C1QL1: variants seen among roughly 807,000 people sequenced by gnomAD.
C1QL1 encodes complement C1q like 1, also known as C1q-related factor.
A neutral mutation model predicts 14.2 loss-of-function variants in C1QL1; 15 were observed. That is an observed-to-expected ratio of 1.06 (90% CI 0.71 to 1.62). The LOEUF (loss-of-function observed/expected upper bound fraction) is 1.62, where lower values mean the gene tolerates loss of function less well. Ranked by LOEUF, C1QL1 falls within the 40% of genes most tolerant of loss-of-function variation. The probability of loss-of-function intolerance (pLI) is 0.00; values close to 1 mark genes in which losing one functional copy is unlikely to be tolerated. For synonymous variants in C1QL1, 172 were observed against 172.4 expected, an observed-to-expected ratio of 1.00 and a Z score of 0.02; for missense variants, 346 against 380.3, an observed-to-expected ratio of 0.91 and a Z score of 0.75.
rs1415387713 is a variant in C1QL1 at position 44,968,159 on chromosome 17, G to T, written c.-111C>A. ...GCAATGGTGCCGGCGGGCAGGGGGC[G>T]CGGGCTAGGCGCCCGCGCTCAAGGA... On this transcript the variant is annotated 5_prime_UTR_variant, in exon 1 of 2. Coordinates refer to ENST00000253407, the MANE Select transcript of C1QL1 (RefSeq NM_006688.5). 2.2e-5 allele frequency: 11 copies of T among 493,724 alleles called. No individual in the cohort carries two copies. The East Asian group carries it at 7.0e-4, about 31-fold the overall frequency. The allele number at this position is 493,724 out of a possible 1,614,324, so 30.6% of individuals were successfully genotyped here.
Position 44,961,837 on chromosome 17 carries a change from G to A in C1QL1, c.598-1470C>T, listed in dbSNP as rs574971005. Among the ~76,000 whole-genome samples the A allele has an allele frequency of 8.2e-5, 12 of 147,148 alleles. No homozygotes were observed. The East Asian group carries it at 2.2e-3, about 27-fold the overall frequency. Reference sequence around the variant, plus strand: ...GGAAGCGGAGCTTGCAGTGAGCCGAGATTGCGCCACTGCAGTCCGCAGTCC... The same window carrying A: ...GGAAGCGGAGCTTGCAGTGAGCCGAAATTGCGCCACTGCAGTCCGCAGTCC... On this transcript the variant is annotated intron_variant, in intron 1 of 1. Transcript: ENST00000253407.
chr17:44,965,014 T>C (rs1295701327), intron 1 of C1QL1, among the ~76,000 whole-genome samples: 2 of 149,774 alleles, frequency 1.3e-5, no homozygotes, highest in African/African-American at 5.0e-5. Flanking sequence ...CTAATGTTTG[T>C]ATTTTTTTTT....
chr17:44,961,578 T>A (rs1161808042), intron 1 of C1QL1, among the ~76,000 whole-genome samples: 3 of 117,030 alleles, frequency 2.6e-5, no homozygotes, highest in African/African-American at 1.1e-4. Context: ...GGCGACATAG[T>A]GAGACTCAGT....
Position 44,959,793 on chromosome 17 carries a change from C to T in C1QL1, c.*395G>A, listed in dbSNP as rs1310332525. ...AAGCTATCCAGCCCCCAACTCCCCC[C>T]TCCCCCGGGCGCGCCACCCCGGAGG... is the stretch of plus-strand genomic sequence containing the variant. On this transcript the variant is annotated 3_prime_UTR_variant, in exon 2 of 2. Transcript: ENST00000253407. The T allele has an allele frequency of 1.0e-5, 2 of 194,706 alleles. No homozygotes were observed. 12.1% of individuals were successfully genotyped at this position (194,706 alleles called of 1,614,324 possible).
chr17:44,960,286 CG>C lies in C1QL1; in HGVS notation c.678del (p.Gly227AlafsTer85). Reference sequence around the variant, plus strand: ...TCCAGCTTGATGAAGACCTCGTCGCCGGCGTCCAGGTGCAGGATCACGCTGT... The same window carrying C: ...TCCAGCTTGATGAAGACCTCGTCGCCGCGTCCAGGTGCAGGATCACGCTGT... ...ASNSVILHLD[A>X]GDEVFIKLDG... On this transcript the variant is annotated frameshift_variant, in exon 2 of 2. Coordinates refer to ENST00000253407, the MANE Select transcript of C1QL1 (RefSeq NM_006688.5). LOFTEE classifies it high-confidence loss of function. 1 of 1,614,160 alleles carries C rather than the reference CG, an allele frequency of 6.2e-7. No homozygotes were observed. Among genetic ancestry groups the C allele is most frequent in the East Asian group, 2.2e-5 (1 of 44,874 alleles).
chr17:44,967,667 G>A lies in C1QL1; in HGVS notation c.382C>T (p.Pro128Ser). The change falls in exon 1 of 2, where the codon CCG becomes TCG. Residue 128 changes from proline (P) to serine (S), a missense_variant. By Grantham distance (74) the Pro-to-Ser change is moderately conservative. Coordinates refer to ENST00000253407, the MANE Select transcript of C1QL1 (RefSeq NM_006688.5). This position sits in a 1 kb window ranked among gnomAD's most constrained non-coding sequence, Gnocchi z 7.0. ...AISTATYTTV[P>S]RVAFYAGLKN... ...AGGCCGGCGTAGAAGGCCACGCGCG[G>A]CACCGTGGTGTAGGTGGCAGTGCTG... 1 of 1,613,518 alleles carries A rather than the reference G, an allele frequency of 6.2e-7. No homozygotes were observed. Among genetic ancestry groups the A allele is most frequent in the Non-Finnish European group, 8.5e-7 (1 of 1,179,856 alleles).
chr17:44,967,390 T>A lies in C1QL1; in HGVS notation c.597+62A>T, dbSNP rs1231844293. 9 of 1,530,580 alleles carry A rather than the reference T, an allele frequency of 5.9e-6. No individual in the cohort carries two copies. Among genetic ancestry groups the A allele is most frequent in the Non-Finnish European group, 7.1e-6 (8 of 1,123,656 alleles). 94.8% of individuals were successfully genotyped at this position (1,530,580 alleles called of 1,614,324 possible). ...CCCGCCAACTCCGATCAGGTACCCATTTGCCCCGGGCTCCCTGGGTGCCCT... is the reference window on the plus strand; with the variant it reads ...CCCGCCAACTCCGATCAGGTACCCAATTGCCCCGGGCTCCCTGGGTGCCCT... On this transcript the variant is annotated intron_variant, in intron 1 of 1. Transcript: ENST00000253407. This position sits in a 1 kb window ranked among gnomAD's most constrained non-coding sequence, Gnocchi z 7.0.
At chr17:44,964,415 T>C (rs2052645409) in intron 1 of C1QL1, among the ~76,000 whole-genome samples, 3 of 152,204 alleles carry the variant, frequency 2.0e-5, no homozygotes, top group Admixed American at 2.0e-4. Context: ...CCTTTTATAT[T>C]CTCCCTTGTG....
rs2052666345 is a variant in C1QL1, at chr17:44,967,834, G to A, written c.215C>T (p.Pro72Leu). The change falls in exon 1 of 2, where the codon CCG (proline) becomes CTG (leucine). Residue 72 changes from proline (P) to leucine (L), a missense_variant. Pro to Leu is a moderately conservative substitution (Grantham distance 98). Transcript: ENST00000253407. This position sits in a 1 kb window ranked among gnomAD's most constrained non-coding sequence, Gnocchi z 7.0. ...AGGGCCGGGCTTGCCGGTGCGGCCC[G>A]GCTTCCCCTGGGGGCCCTGCACCAG... ...STLVQGPQGK[P>L]GRTGKPGPPG... 4 of 1,384,816 alleles carry A rather than the reference G, an allele frequency of 2.9e-6. No individual in the cohort carries two copies. Among genetic ancestry groups the A allele is most frequent in the Admixed American group, 3.8e-5 (1 of 26,152 alleles). The allele number at this position is 1,384,816 out of a possible 1,614,324, so 85.8% of individuals were successfully genotyped here.
chr17:44,968,170 G>T lies in C1QL1; in HGVS notation c.-122C>A. 1 of 397,182 alleles carries T rather than the reference G, an allele frequency of 2.5e-6. No individual in the cohort carries two copies. The highest frequency in any genetic ancestry group is 3.7e-6 in the Non-Finnish European group (1 of 271,104). 24.6% of individuals were successfully genotyped at this position (397,182 alleles called of 1,614,324 possible). On this transcript the variant is annotated 5_prime_UTR_variant, in exon 1 of 2. Coordinates refer to ENST00000253407, the MANE Select transcript of C1QL1 (RefSeq NM_006688.5). ...GGCGGGCAGGGGGCGCGGGCTAGGCGCCCGCGCTCAAGGACGGTCCGGCGG... is the reference window on the plus strand; with the variant it reads ...GGCGGGCAGGGGGCGCGGGCTAGGCTCCCGCGCTCAAGGACGGTCCGGCGG...
intron 1 of C1QL1, among the ~76,000 whole-genome samples, chr17:44,964,831 A>ATCTTT (rs55805613): frequency 0.61 from 90,907 of 149,450 alleles, 28,986 homozygotes; most frequent in African/African-American, 0.82. Context: ...TTTCGTTTTT[A>ATCTTT]TCTTTTCTTT....
chr17:44,964,687 C>CT (rs2052647262), intron 1 of C1QL1, among the ~76,000 whole-genome samples: 1 of 152,186 alleles, frequency 6.6e-6, no homozygotes, highest in African/African-American at 2.4e-5. Flanking sequence ...AATCTGGCTC[C>CT]TAGTAGGGGC....
chr17:44,967,335 TG>T lies in C1QL1; in HGVS notation c.597+116del. The T allele has an allele frequency of 9.3e-7, 1 of 1,075,742 alleles. No homozygotes were observed. Among genetic ancestry groups the T allele is most frequent in the Non-Finnish European group, 1.3e-6 (1 of 743,794 alleles). 66.6% of individuals were successfully genotyped at this position (1,075,742 alleles called of 1,614,324 possible). ...ATGACCAAGCGGGGCCGCTGTGGGGTGGGATCTCCACCTGCGTCCGCCTGGC... is the reference window on the plus strand; with the variant it reads ...ATGACCAAGCGGGGCCGCTGTGGGGTGGATCTCCACCTGCGTCCGCCTGGC... On this transcript the variant is annotated intron_variant, in intron 1 of 1. Transcript: ENST00000253407. The surrounding 1 kb of genome is among the most constrained non-coding windows in gnomAD (Gnocchi z 7.0).
chr17:44,963,299 A>T (rs1041303399), intron 1 of C1QL1, among the ~76,000 whole-genome samples: 16 of 151,328 alleles, frequency 1.1e-4, no homozygotes, highest in Admixed American at 5.2e-4. Flanking sequence ...TTGCATTTTC[A>T]TACATACATT....
At position 44,968,115 on chromosome 17, in the gene C1QL1, GC is replaced by G; in HGVS notation, c.-68del. Reference sequence around the variant, plus strand: ...CGCGGAGCCTGGGGAGCGCCGGGCCGCCCGGCCGCGCCGTCGGGGCAATGGT... The same window carrying G: ...CGCGGAGCCTGGGGAGCGCCGGGCCGCCGGCCGCGCCGTCGGGGCAATGGT... On this transcript the variant is annotated 5_prime_UTR_variant, in exon 1 of 2. Transcript: ENST00000253407. 1 of 1,038,952 alleles carries G rather than the reference GC, an allele frequency of 9.6e-7. No homozygotes were observed. Among genetic ancestry groups the G allele is most frequent in the East Asian group, 4.0e-5 (1 of 24,900 alleles). The allele number at this position is 1,038,952 out of a possible 1,614,324, so 64.4% of individuals were successfully genotyped here. A position where few individuals can be genotyped will look rare whatever the true frequency, so the allele number is the denominator to read the frequency against.
chr17:44,967,560 G>T lies in C1QL1; in HGVS notation c.489C>A (p.Ser163Arg), dbSNP rs775700744. The change falls in exon 1 of 2, where the codon AGC (serine) becomes AGA (arginine). Residue 163 changes from serine (S) to arginine (R), a missense_variant. Coordinates refer to ENST00000253407, the MANE Select transcript of C1QL1 (RefSeq NM_006688.5). The surrounding 1 kb of genome is among the most constrained non-coding windows in gnomAD (Gnocchi z 7.0). ...CGGGAATGTTGCACGTAAACTTGCC[G>T]CTGGCCGCGTCGTAGTTGTTGCCTA... Reference protein sequence around the residue: ...TNLGNNYDAASGKFTCNIPGT... With the variant: ...TNLGNNYDAARGKFTCNIPGT... 1.2e-6 allele frequency: 2 copies of T among 1,614,116 alleles called. No homozygotes were observed. The highest frequency in any genetic ancestry group is 2.2e-5 in the South Asian group (2 of 91,088).
In C1QL1 at chr17:44,960,406, G is replaced by A. The variant is rs768056150; in HGVS notation, c.598-39C>T. ...ACACGGGAGGGAGGGCGAGAGGAGA[G>A]AGAGGATGAGAAGGGAGGGAGGTGA... On this transcript the variant is annotated intron_variant, in intron 1 of 1. Coordinates refer to ENST00000253407, the MANE Select transcript of C1QL1 (RefSeq NM_006688.5). 4 of 1,500,192 alleles carry A rather than the reference G, an allele frequency of 2.7e-6. No homozygotes were observed. The African/African-American group carries it at 5.5e-5, about 21-fold the overall frequency. 92.9% of individuals were successfully genotyped at this position (1,500,192 alleles called of 1,614,324 possible). A position where few individuals can be genotyped will look rare whatever the true frequency, so the allele number is the denominator to read the frequency against.
Position 44,967,673 on chromosome 17 carries a change from T to C in C1QL1, c.376A>G (p.Thr126Ala). ...GCGTAGAAGGCCACGCGCGGCACCGTGGTGTAGGTGGCAGTGCTGATGGCG... is the reference window on the plus strand; with the variant it reads ...GCGTAGAAGGCCACGCGCGGCACCGCGGTGTAGGTGGCAGTGCTGATGGCG... ...SGAISTATYT[T>A]VPRVAFYAGL... The change falls in exon 1 of 2, where the codon ACG (threonine) becomes GCG (alanine). Residue 126 changes from threonine to alanine, a missense_variant. Physicochemically the swap from Thr to Ala is moderately conservative, Grantham distance 58. Transcript: ENST00000253407. The surrounding 1 kb of genome is among the most constrained non-coding windows in gnomAD (Gnocchi z 7.0). 6.2e-7 allele frequency: 1 copy of C among 1,612,962 alleles called. No homozygotes were observed. Among genetic ancestry groups the C allele is most frequent in the Non-Finnish European group, 8.5e-7 (1 of 1,179,676 alleles).
intron 1 of C1QL1, among the ~76,000 whole-genome samples, chr17:44,963,970 C>G (rs1337857313): frequency 6.6e-6 from 1 of 152,206 alleles, no homozygotes; most frequent in African/African-American, 2.4e-5. Context: ...CTGCAGGCAA[C>G]TCACCACACC....
Sources: gnomAD v4.1 joint callset for allele counts (sites outside exome capture counted in the v4.1 genomes callset) on GRCh38, gnomAD v4.1.1 for gene constraint, Gnocchi (gnomAD v3.1) non-coding constraint, MANE v1.5 for transcripts, NCBI Gene and HGNC (gene_info 2026-07-23, HGNC 2026-07-21) for gene names.